Variants in CEP112 observed in about 807,000 individuals in gnomAD.
CEP112 encodes centrosomal protein of 112 kDa.
Under a neutral mutation model 153.0 loss-of-function variants are expected in CEP112, and 127 were observed. The ratio of observed to expected loss-of-function variants is 0.83; its 90% CI spans 0.72 to 0.96. The LOEUF (loss-of-function observed/expected upper bound fraction) is 0.96, where lower values mean the gene tolerates loss of function less well. CEP112 is among the 40% of genes least tolerant of loss of function. The pLI is 0.00. For missense variants in CEP112, 1,089 were observed against 1,101.2 expected (o/e 0.99, Z 0.16); for synonymous variants, 358 against 374.4 (o/e 0.96, Z 0.51).
rs11079637 is a variant in CEP112 at position 66,053,889 on chromosome 17, G to A, written c.1075-10C>T. On this transcript the variant is annotated splice_polypyrimidine_tract_variant and intron_variant, in intron 11 of 26. Coordinates refer to ENST00000535342, the MANE Select transcript of CEP112 (RefSeq NM_001199165.4). Reference sequence around the variant, plus strand: ...CTACAGCATTGTGAAGCTACATCAGGAAATCAAGAGTTGACTCTTTTACTA... The same window carrying A: ...CTACAGCATTGTGAAGCTACATCAGAAAATCAAGAGTTGACTCTTTTACTA... 705,451 of 1,601,834 alleles carry A rather than the reference G, an allele frequency of 0.44. 166,025 individuals are homozygous for A. The highest frequency in any genetic ancestry group is 0.87 in the East Asian group (38,978 of 44,700).
Position 65,690,425 on chromosome 17 carries a change from CAAAAAAA to C in CEP112, c.2608-1214_2608-1208del, listed in dbSNP as rs67648497. 1.6e-4 allele frequency among the ~76,000 whole-genome samples: 12 copies of C among 76,684 alleles called. No homozygotes were observed. The South Asian group carries it at 3.3e-3, about 21-fold the overall frequency. The allele number at this position is 76,684 out of a possible 152,430, so 50.3% of individuals were successfully genotyped here. A position where few individuals can be genotyped will look rare whatever the true frequency, so the allele number is the denominator to read the frequency against. Reference sequence around the variant, plus strand: ...TGGGTGACAGAATGAGACCCTGTCTCAAAAAAAAAAAAAAAAAAAAAAATCCTTGCAT... The same window carrying C: ...TGGGTGACAGAATGAGACCCTGTCTCAAAAAAAAAAAAAAAATCCTTGCAT... On this transcript the variant is annotated intron_variant, in intron 23 of 26. Coordinates refer to ENST00000535342, the MANE Select transcript of CEP112 (RefSeq NM_001199165.4).
chr17:66,012,307 G>C (rs1480029748), intron 16 of CEP112, among the ~76,000 whole-genome samples: 2 of 152,284 alleles, frequency 1.3e-5, no homozygotes, highest in African/African-American at 4.8e-5. Context: ...TTGTTTGTGT[G>C]GTTGCTTTAT....
At chr17:66,081,642 C>A (rs904747924) in intron 8 of CEP112, among the ~76,000 whole-genome samples, 1 of 149,622 alleles carries the variant, frequency 6.7e-6, no homozygotes, top group East Asian at 2.0e-4. Context: ...TAATTCCAAG[C>A]GCAGTGGCTC....
chr17:65,688,904 A>C, intron 24 of CEP112: 1 of 359,934 alleles, frequency 2.8e-6, no homozygotes, highest in Non-Finnish European at 5.1e-6. Flanking sequence ...AGTAACTGGG[A>C]TTACAGGCAC....
intron 21 of CEP112, among the ~76,000 whole-genome samples, chr17:65,762,878 T>G (rs2052698162): frequency 6.6e-6 from 1 of 152,072 alleles, no homozygotes; most frequent in African/African-American, 2.4e-5. Flanking sequence ...AATAAAAGTT[T>G]TAATTTTATC....
intron 6 of CEP112, among the ~76,000 whole-genome samples, chr17:66,097,370 G>C (rs1598345042): frequency 6.6e-6 from 1 of 152,250 alleles, no homozygotes; most frequent in Non-Finnish European, 1.5e-5. Context: ...CTGGATGCTA[G>C]TTCCCTTTTA....
intron 5 of CEP112, among the ~76,000 whole-genome samples, chr17:66,130,121 G>C (rs1304002190): frequency 6.6e-6 from 1 of 152,038 alleles, no homozygotes; most frequent in Non-Finnish European, 1.5e-5. Context: ...ATTGCCCTCA[G>C]AGGAAAGGAT....
chr17:65,745,424 T>C (rs912027001), intron 22 of CEP112, among the ~76,000 whole-genome samples: 4 of 152,186 alleles, frequency 2.6e-5, no homozygotes, highest in Admixed American at 6.5e-5. Flanking sequence ...TAAATTCTCA[T>C]AGTAAATGTC....
intron 21 of CEP112, among the ~76,000 whole-genome samples, chr17:65,779,011 A>G (rs866597160): frequency 1.1e-4 from 16 of 141,836 alleles, no homozygotes; most frequent in Middle Eastern, 3.5e-3. Flanking sequence ...TTAAAAAAAA[A>G]GGCATTTTTT....
intron 4 of CEP112, among the ~76,000 whole-genome samples, chr17:66,169,318 C>G (rs964838933): frequency 1.5e-5 from 2 of 136,450 alleles, no homozygotes; most frequent in African/African-American, 5.6e-5. Flanking sequence ...GAGTCTCACT[C>G]TGTCACCCAG....
chr17:65,961,607 G>A lies in CEP112; in HGVS notation c.1737-9C>T. The A allele has an allele frequency of 6.3e-7, 1 of 1,598,302 alleles. No individual in the cohort carries two copies. The highest frequency in any genetic ancestry group is 8.6e-7 in the Non-Finnish European group (1 of 1,169,156). The stretch of plus-strand genomic sequence containing the variant: ...GCTGCTCCTCTTTTTCCCTAGAAAG[G>A]TTCAGAGAAGCTTCAGAGTTAAAAT... On this transcript the variant is annotated splice_polypyrimidine_tract_variant and intron_variant, in intron 17 of 26. Transcript: ENST00000535342.
chr17:66,031,990 C>T (rs9897146), intron 12 of CEP112, among the ~76,000 whole-genome samples: 78,260 of 151,944 alleles, frequency 0.52, 21,080 homozygotes, highest in African/African-American at 0.59. Context: ...ACCACACCAG[C>T]AGTTTTCTCA....
chr17:65,886,210 A>T lies in CEP112; in HGVS notation c.2163+15942T>A, dbSNP rs185196673. 1.1e-4 allele frequency among the ~76,000 whole-genome samples: 16 copies of T among 152,254 alleles called. No individual in the cohort carries two copies. In the East Asian group the frequency reaches 1.5e-3, roughly 15 times the overall value. ...CTAACTTGAAAGAGGGGCTATAATT[A>T]AAAAAATGGGCATAAAAGAATGGAA... is the stretch of plus-strand genomic sequence containing the variant. On this transcript the variant is annotated intron_variant, in intron 20 of 26. Transcript: ENST00000535342.
chr17:65,855,736 A>T (rs184523039), intron 20 of CEP112, among the ~76,000 whole-genome samples: 15 of 152,370 alleles, frequency 9.8e-5, no homozygotes, highest in African/African-American at 3.4e-4. Flanking sequence ...TATCTGAAGC[A>T]GTATAATTGG....
intron 12 of CEP112, among the ~76,000 whole-genome samples, chr17:66,039,625 T>C (rs2065889166): frequency 6.6e-6 from 1 of 152,164 alleles, no homozygotes; most frequent in South Asian, 2.1e-4. Context: ...CGTTTATGAT[T>C]TGTGAAGTTA....
intron 21 of CEP112, among the ~76,000 whole-genome samples, chr17:65,806,273 A>T (rs2055590153): frequency 6.6e-6 from 1 of 152,250 alleles, no homozygotes; most frequent in South Asian, 2.1e-4. Context: ...AGGATTGAGA[A>T]GTAGTGTAGA....
chr17:66,173,434 A>C (rs1172123668), intron 4 of CEP112, among the ~76,000 whole-genome samples: 4 of 152,208 alleles, frequency 2.6e-5, no homozygotes, highest in Non-Finnish European at 2.9e-5. Context: ...CCAACCAAGC[A>C]AATCTACCCA....
intron 21 of CEP112, among the ~76,000 whole-genome samples, chr17:65,836,579 T>G (rs2057313988): frequency 6.6e-6 from 1 of 152,034 alleles, no homozygotes; most frequent in African/African-American, 2.4e-5. Context: ...AAAGATAATA[T>G]AATAATTGTA....
At chr17:65,870,065 G>GGAAGAAAGAAAGAAAGAAAGAAAGA in intron 20 of CEP112, among the ~76,000 whole-genome samples, 1 of 79,318 alleles carries the variant, frequency 1.3e-5, no homozygotes, top group Middle Eastern at 8.1e-3. Flanking sequence ...AAGAAAGAAA[G>GGAAGAAAGAAAGAAAGAAAGAAAGA]AAAGAAAGAA....
Sources: gnomAD v4.1 joint callset for allele counts (sites outside exome capture counted in the v4.1 genomes callset) on GRCh38, gnomAD v4.1.1 for gene constraint, MANE v1.5 for transcripts, NCBI Gene and HGNC (gene_info 2026-07-23, HGNC 2026-07-21) for gene names.